The following ZNF654 variants were observed in gnomAD, a reference collection of about 807,000 sequenced individuals.
The protein encoded by ZNF654 is melanoma-associated antigen.
Under a neutral mutation model 95.3 loss-of-function variants are expected in ZNF654, and 19 were observed. The ratio of observed to expected loss-of-function variants is 0.20; its 90% CI spans 0.14 to 0.29. The LOEUF is 0.29. Ranked by LOEUF, ZNF654 falls within the 10% of genes least tolerant of loss-of-function variation. The pLI is 1.00. For missense variants in ZNF654, 1,046 were observed against 1,341.0 expected (o/e 0.78, Z 3.44); for synonymous variants, 413 against 457.9 (o/e 0.90, Z 1.25).
At chr3:88,098,652 C>T (rs1704211226) in intron 2 of ZNF654, among the ~76,000 whole-genome samples, 1 of 152,186 alleles carries the variant, frequency 6.6e-6, no homozygotes, top group South Asian at 2.1e-4. Context: ...TGGGCTTCAT[C>T]CCTGGGATGC....
chr3:88,111,822 A>G (rs964609839), intron 2 of ZNF654, among the ~76,000 whole-genome samples: 1 of 151,988 alleles, frequency 6.6e-6, no homozygotes, highest in Non-Finnish European at 1.5e-5. Flanking sequence ...CACCAAAGCC[A>G]TCATAGAATA....
chr3:88,113,730 C>T (rs1414041781), intron 3 of ZNF654, among the ~76,000 whole-genome samples: 2 of 152,092 alleles, frequency 1.3e-5, no homozygotes, highest in Non-Finnish European at 2.9e-5. Context: ...CCCTGACCCA[C>T]TCGGTGAAGT....
In ZNF654 at chr3:88,139,907, T is replaced by G. The variant is rs1707015377; in HGVS notation, c.2238T>G (p.Phe746Leu). 3 of 1,613,314 alleles carry G rather than the reference T, an allele frequency of 1.9e-6. No homozygotes were observed. The highest frequency in any genetic ancestry group is 1.7e-5 in the Admixed American group (1 of 59,884). Residue 746 changes from phenylalanine (F) to leucine (L), a missense_variant, in exon 8 of 9, where the codon TTT (phenylalanine) becomes TTG (leucine). This residue lies in a region of ZNF654 where 495 missense variants were observed against 537.0 expected (regional missense o/e 0.92). Transcript: ENST00000636215. ...DIYATDQEGN[F>L]KCPALGCVRI... ...ATGCCACAGATCAAGAAGGAAACTT[T>G]AAGTGTCCTGCTCTTGGTTGTGTCC...
At position 88,140,899 on chromosome 3, in the gene ZNF654, G is replaced by C. The variant is rs188787709; in HGVS notation, c.3230G>C (p.Cys1077Ser). The C allele has an allele frequency of 3.1e-6, 5 of 1,613,566 alleles. No individual in the cohort carries two copies. Among genetic ancestry groups the C allele is most frequent in the South Asian group, 2.2e-5 (2 of 91,072 alleles). ...TTTCTGACTGATAGAGTAGATGCCT[G>C]TTCTGATCAAGATAACGTGTATAAA... ...RKFLTDRVDA[C>S]SDQDNVYKKS... Residue 1077 changes from cysteine (C) to serine (S), a missense_variant, in exon 8 of 9, where the codon TGT becomes TCT. Transcript: ENST00000636215.
chr3:88,105,036 A>G (rs1180980798), intron 2 of ZNF654, among the ~76,000 whole-genome samples: 1 of 152,212 alleles, frequency 6.6e-6, no homozygotes, highest in African/African-American at 2.4e-5. Flanking sequence ...GCTACTCGGG[A>G]GACTGAGGCA....
Position 88,123,991 on chromosome 3 carries a change from A to G in ZNF654, c.415-2143A>G, listed in dbSNP as rs116093791. Among the ~76,000 whole-genome samples the G allele has an allele frequency of 2.5e-3, 379 of 152,310 alleles. 1 individual carries two copies. The highest frequency in any genetic ancestry group is 8.8e-3 in the African/African-American group (366 of 41,564). ...ATCATTACAGTGTTCCATGTATGTT[A>G]AATTCATGGCTGATCAATACCTTTA... On this transcript the variant is annotated intron_variant, in intron 3 of 8. Transcript: ENST00000636215.
intron 2 of ZNF654, among the ~76,000 whole-genome samples, chr3:88,111,694 G>A (rs1256772962): frequency 6.6e-6 from 1 of 151,794 alleles, no homozygotes; most frequent in Non-Finnish European, 1.5e-5. Context: ...TATATTTCGA[G>A]GATGAAATTT....
At chr3:88,062,886 C>T (rs970958508) in intron 1 of ZNF654, among the ~76,000 whole-genome samples, 3 of 152,130 alleles carry the variant, frequency 2.0e-5, no homozygotes, top group Non-Finnish European at 2.9e-5. Context: ...TCGTAAAATC[C>T]TCTGAGGATT....
chr3:88,107,230 G>A (rs1704798461), intron 2 of ZNF654, among the ~76,000 whole-genome samples: 3 of 152,100 alleles, frequency 2.0e-5, no homozygotes, highest in Non-Finnish European at 2.9e-5. Flanking sequence ...GAACACTAAC[G>A]CTGAATGAAT....
At chr3:88,081,799 G>T (rs1455687479) in intron 1 of ZNF654, among the ~76,000 whole-genome samples, 1 of 152,074 alleles carries the variant, frequency 6.6e-6, no homozygotes, top group Admixed American at 6.6e-5. Context: ...CCTTTTATTG[G>T]AGAATGGTAT....
intron 2 of ZNF654, among the ~76,000 whole-genome samples, chr3:88,086,783 T>C (rs1039232685): frequency 1.3e-5 from 2 of 152,124 alleles, no homozygotes; most frequent in African/African-American, 4.8e-5. Context: ...TTGTTTGTTT[T>C]GTTGTTTTGT....
At chr3:88,075,434 C>T (rs899585053) in intron 1 of ZNF654, among the ~76,000 whole-genome samples, 1 of 152,174 alleles carries the variant, frequency 6.6e-6, no homozygotes, top group Non-Finnish European at 1.5e-5. Flanking sequence ...TTTTTGTGCC[C>T]TCATATTTGT....
intron 1 of ZNF654, among the ~76,000 whole-genome samples, chr3:88,082,010 T>C (rs1576227423): frequency 6.6e-6 from 1 of 152,278 alleles, no homozygotes; most frequent in Non-Finnish European, 1.5e-5. Context: ...AGCAAACTTA[T>C]CAATGCACAG....
intron 1 of ZNF654, among the ~76,000 whole-genome samples, chr3:88,086,041 T>C (rs1708320839): frequency 6.6e-6 from 1 of 152,176 alleles, no homozygotes; most frequent in Non-Finnish European, 1.5e-5. Flanking sequence ...GTACAGACAT[T>C]CATACACTAT....
At chr3:88,099,303 T>A (rs1480273225) in intron 2 of ZNF654, among the ~76,000 whole-genome samples, 1 of 152,202 alleles carries the variant, frequency 6.6e-6, no homozygotes, top group Non-Finnish European at 1.5e-5. Flanking sequence ...CAAGGAGAAC[T>A]GCAAATCACT....
At chr3:88,102,497 C>T (rs1423438220) in intron 2 of ZNF654, among the ~76,000 whole-genome samples, 3 of 152,126 alleles carry the variant, frequency 2.0e-5, no homozygotes, top group Non-Finnish European at 4.4e-5. Flanking sequence ...TGTGCAAAAG[C>T]GTGATGAAGG....
chr3:88,099,490 C>T (rs371981641), intron 2 of ZNF654, among the ~76,000 whole-genome samples: 16 of 152,156 alleles, frequency 1.1e-4, no homozygotes, highest in Middle Eastern at 3.4e-3. Context: ...AAAGCTCATA[C>T]GGAACCAAAA....
intron 1 of ZNF654, among the ~76,000 whole-genome samples, chr3:88,083,892 A>G (rs947679279): frequency 6.6e-6 from 1 of 151,580 alleles, no homozygotes; most frequent in Non-Finnish European, 1.5e-5. Context: ...CAGCACTCAC[A>G]GCATAGGAGA....
At chr3:88,131,376 T>C (rs372582441) in intron 6 of ZNF654, among the ~76,000 whole-genome samples, 22 of 152,192 alleles carry the variant, frequency 1.4e-4, no homozygotes, top group African/African-American at 4.8e-4. Context: ...AAACTGAAAA[T>C]AGTCATGACA....
Sources: gnomAD v4.1 joint callset for allele counts (sites outside exome capture counted in the v4.1 genomes callset) on GRCh38, gnomAD v4.1.1 for gene constraint, gnomAD v4.1.1 regional missense constraint, MANE v1.5 for transcripts, NCBI Gene and HGNC (gene_info 2026-07-23, HGNC 2026-07-21) for gene names.